The following DENND1A variants were observed in gnomAD, a reference collection of about 807,000 sequenced individuals.
DENND1A encodes the protein DENN domain-containing protein 1A.
A neutral mutation model predicts 113.7 loss-of-function variants in DENND1A; 51 were observed. The ratio of observed to expected loss-of-function variants is 0.45; its 90% CI spans 0.36 to 0.57. The LOEUF (loss-of-function observed/expected upper bound fraction) is 0.57. Ranked by LOEUF, DENND1A falls within the 20% of genes least tolerant of loss-of-function variation. The probability of loss-of-function intolerance (pLI) is 0.00; values close to 1 mark genes in which losing one functional copy is unlikely to be tolerated. For missense variants in DENND1A, 1,258 were observed against 1,395.9 expected (o/e 0.90, Z 1.57); for synonymous variants, 565 against 570.8 (o/e 0.99, Z 0.14).
intron 10 of DENND1A, among the ~76,000 whole-genome samples, chr9:123,620,652 A>G (rs1035714052): frequency 6.6e-6 from 1 of 152,194 alleles, no homozygotes; most frequent in African/African-American, 2.4e-5. Context: ...CTAGTAATCT[A>G]TGATTTCTGA....
intron 20 of DENND1A, among the ~76,000 whole-genome samples, chr9:123,406,769 C>T (rs956079920): frequency 6.6e-6 from 1 of 152,188 alleles, no homozygotes; most frequent in Admixed American, 6.5e-5. Flanking sequence ...CCACCCCCAA[C>T]TTCTGCCCAC....
intron 13 of DENND1A, among the ~76,000 whole-genome samples, chr9:123,537,857 A>C (rs995474399): frequency 2.0e-5 from 3 of 152,236 alleles, no homozygotes; most frequent in East Asian, 1.9e-4. Flanking sequence ...GTGATTATCA[A>C]CTTTTAACAA....
intron 5 of DENND1A, among the ~76,000 whole-genome samples, chr9:123,702,737 G>A (rs2065954893): frequency 6.6e-6 from 1 of 152,178 alleles, no homozygotes; most frequent in Non-Finnish European, 1.5e-5. Context: ...GAAGGAGAGA[G>A]AAAGATTTTT....
chr9:123,907,600 C>T (rs1166180885), intron 1 of DENND1A, among the ~76,000 whole-genome samples: 1 of 145,418 alleles, frequency 6.9e-6, no homozygotes, highest in Non-Finnish European at 1.5e-5. Flanking sequence ...TTCACAATTG[C>T]TTCAAAGAGA....
chr9:123,446,730 T>C (rs1222794738), intron 18 of DENND1A, among the ~76,000 whole-genome samples: 1 of 151,978 alleles, frequency 6.6e-6, no homozygotes, highest in Non-Finnish European at 1.5e-5. Flanking sequence ...GGCGGGAGGA[T>C]CCCTTGAGCC....
intron 21 of DENND1A, among the ~76,000 whole-genome samples, chr9:123,389,504 G>A (rs974977471): frequency 5.3e-5 from 8 of 152,168 alleles, no homozygotes; most frequent in East Asian, 3.9e-4. Context: ...CAGGAATCTC[G>A]GGGCCAGGGC....
At chr9:123,901,045 T>C (rs929122944) in intron 1 of DENND1A, among the ~76,000 whole-genome samples, 1 of 152,096 alleles carries the variant, frequency 6.6e-6, no homozygotes, top group South Asian at 2.1e-4. Flanking sequence ...ACAGACAGAG[T>C]TGAGGTCTCA....
intron 13 of DENND1A, among the ~76,000 whole-genome samples, chr9:123,550,679 G>A (rs1564700030): frequency 1.3e-5 from 2 of 152,186 alleles, no homozygotes; most frequent in South Asian, 2.1e-4. Context: ...TTCGAGGGGG[G>A]TGTATTAGCC....
At chr9:123,704,066 C>T (rs1289642606) in intron 5 of DENND1A, among the ~76,000 whole-genome samples, 1 of 151,702 alleles carries the variant, frequency 6.6e-6, no homozygotes, top group Non-Finnish European at 1.5e-5. Context: ...CAATTAAATG[C>T]CAGACTATAT....
At chr9:123,769,721 AT>A (rs1478908976) in intron 3 of DENND1A, among the ~76,000 whole-genome samples, 158 bp from the exon 4 acceptor site, 3 of 152,196 alleles carry the variant, frequency 2.0e-5, no homozygotes, top group Non-Finnish European at 4.4e-5. Context: ...CAGGCAGTCA[AT>A]CATGAGAAAT....
intron 21 of DENND1A, among the ~76,000 whole-genome samples, chr9:123,390,738 C>T (rs1289271138): frequency 6.6e-6 from 1 of 152,240 alleles, no homozygotes; most frequent in South Asian, 2.1e-4. Context: ...GATGGTCCAC[C>T]CCCAGGGGCC....
chr9:123,553,217 A>C (rs1480243735), intron 13 of DENND1A, among the ~76,000 whole-genome samples: 1 of 152,084 alleles, frequency 6.6e-6, no homozygotes, highest in Non-Finnish European at 1.5e-5. Context: ...TGATCATGCC[A>C]CTCCAGCCTA....
At chr9:123,439,630 C>T (rs2132325706) in intron 19 of DENND1A, 1 of 152,860 alleles carries the variant, frequency 6.5e-6, no homozygotes, top group Non-Finnish European at 1.5e-5. Flanking sequence ...TTGTTACAGC[C>T]ATATCTTGCT....
intron 13 of DENND1A, among the ~76,000 whole-genome samples, chr9:123,550,426 C>G (rs547041259): frequency 1.3e-5 from 2 of 152,254 alleles, no homozygotes; most frequent in Non-Finnish European, 2.9e-5. Context: ...GGCCTTTCCA[C>G]AGACACTGGC....
At chr9:123,507,720 T>C (rs939290409) in intron 13 of DENND1A, among the ~76,000 whole-genome samples, 23 of 149,582 alleles carry the variant, frequency 1.5e-4, no homozygotes, top group Admixed American at 7.3e-4. Context: ...CCAGGCGTGG[T>C]TGCAGACTCC....
intron 2 of DENND1A, among the ~76,000 whole-genome samples, chr9:123,812,470 A>G (rs958647070): frequency 6.6e-6 from 1 of 152,094 alleles, no homozygotes; most frequent in Non-Finnish European, 1.5e-5. Flanking sequence ...TTGATATGAC[A>G]CTTTGTACAC....
At chr9:123,558,539 TA>T (rs1419559720) in intron 12 of DENND1A, among the ~76,000 whole-genome samples, 1 of 152,098 alleles carries the variant, frequency 6.6e-6, no homozygotes, top group Non-Finnish European at 1.5e-5. Context: ...AAATTTGACT[TA>T]AAAGCCTCCT....
chr9:123,661,875 G>T (rs1199118358), intron 8 of DENND1A, among the ~76,000 whole-genome samples: 1 of 152,070 alleles, frequency 6.6e-6, no homozygotes, highest in East Asian at 1.9e-4. Flanking sequence ...TGGAAAATAG[G>T]AGAGAAAAAA....
Position 123,387,722 on chromosome 9 carries a change from G to A in DENND1A, c.1760+8C>T, listed in dbSNP as rs1411357359. ...GAGCTCAGGGAAATGGAAGAAGGAA[G>A]GAGAGACCATTCAAAGGGAGCGGAG... On this transcript the variant is annotated splice_region_variant and intron_variant, in intron 22 of 23. Coordinates refer to ENST00000394215, the MANE Select transcript of DENND1A (RefSeq NM_001352964.2). 3.1e-6 allele frequency: 4 copies of A among 1,289,748 alleles called. No individual in the cohort carries two copies. Among genetic ancestry groups the A allele is most frequent in the Non-Finnish European group, 4.0e-6 (4 of 988,834 alleles). The allele number at this position is 1,289,748 out of a possible 1,614,324, so 79.9% of individuals were successfully genotyped here.
Sources: allele counts gnomAD v4.1 joint callset (sites outside exome capture counted in the v4.1 genomes callset), GRCh38; gene constraint gnomAD v4.1.1; transcripts MANE v1.5; gene names NCBI Gene and HGNC (gene_info 2026-07-23, HGNC 2026-07-21).